PIK3R5: variants seen among roughly 807,000 people sequenced by gnomAD.
PIK3R5 encodes phosphoinositide-3-kinase regulatory subunit 5, also known as phosphoinositide 3-kinase regulatory subunit 5.
Under a neutral mutation model 94.9 loss-of-function variants are expected in PIK3R5, and 32 were observed. The observed-to-expected ratio is 0.34, with a 90% confidence interval of 0.25 to 0.45. The LOEUF (loss-of-function observed/expected upper bound fraction) is 0.45, where lower values mean the gene tolerates loss of function less well. Ranked by LOEUF, PIK3R5 falls within the 20% of genes least tolerant of loss-of-function variation. The pLI is 1.00. For missense variants in PIK3R5, 853 were observed against 1,144.6 expected, an observed-to-expected ratio of 0.75 and a Z score of 3.68; for synonymous variants, 443 against 479.4, an observed-to-expected ratio of 0.92 and a Z score of 0.99.
chr17:8,879,093 C>T lies in PIK3R5; in HGVS notation c.*1546G>A, dbSNP rs548613372. On this transcript the variant is annotated 3_prime_UTR_variant, in exon 19 of 19. Coordinates refer to ENST00000447110, the MANE Select transcript of PIK3R5 (RefSeq NM_001142633.3). This position sits in a 1 kb window ranked among gnomAD's most constrained non-coding sequence, Gnocchi z 4.4. The stretch of plus-strand genomic sequence containing the variant: ...AGCAGACATTAAGACAGGGGAGAGA[C>T]GGCCAGGCAAGGTAGAAGCTGGCTC... 9 of 152,246 alleles carry T rather than the reference C, an allele frequency of 5.9e-5. No individual in the cohort carries two copies. The highest frequency in any genetic ancestry group is 2.6e-4 in the Admixed American group (4 of 15,298). The allele number at this position is 152,246 out of a possible 1,614,324, so 9.4% of individuals were successfully genotyped here. A position where few individuals can be genotyped will look rare whatever the true frequency, so the allele number is the denominator to read the frequency against.
intron 1 of PIK3R5, among the ~76,000 whole-genome samples, chr17:8,921,747 T>C (rs1332146220): frequency 6.6e-6 from 1 of 152,132 alleles, no homozygotes; most frequent in African/African-American, 2.4e-5. Context: ...ATTCTGGTGT[T>C]AGGAAGATTC....
intron 1 of PIK3R5, among the ~76,000 whole-genome samples, chr17:8,936,386 C>A (rs780028061): frequency 6.6e-6 from 1 of 152,144 alleles, no homozygotes; most frequent in African/African-American, 2.4e-5. Context: ...ATTTTCACTG[C>A]CCAGAAAATC....
At chr17:8,938,134 G>A (rs1295594598) in intron 1 of PIK3R5, among the ~76,000 whole-genome samples, 1 of 152,136 alleles carries the variant, frequency 6.6e-6, no homozygotes, top group Non-Finnish European at 1.5e-5. Context: ...ATGTTTGGTA[G>A]AATTCACCAG....
intron 1 of PIK3R5, among the ~76,000 whole-genome samples, chr17:8,917,992 G>C (rs990473531): frequency 6.6e-6 from 1 of 152,188 alleles, no homozygotes. Context: ...AAGGGGGAAG[G>C]CTGGAATGAA....
intron 1 of PIK3R5, among the ~76,000 whole-genome samples, chr17:8,912,819 T>G (rs1006394898): frequency 6.6e-6 from 1 of 152,234 alleles, no homozygotes; most frequent in Non-Finnish European, 1.5e-5. Context: ...CTCCCCAGCC[T>G]GGGAGGCACC....
At chr17:8,887,427 A>C (rs1290211496) in intron 11 of PIK3R5, 94 bp downstream of exon 11, 5 of 1,426,096 alleles carry the variant, frequency 3.5e-6, no homozygotes, top group Admixed American at 4.2e-5. Context: ...TGCCCTGTCA[A>C]CACAGGTGCT....
chr17:8,901,170 C>A (rs61759594), intron 5 of PIK3R5, among the ~76,000 whole-genome samples: 4 of 152,174 alleles, frequency 2.6e-5, no homozygotes, highest in African/African-American at 9.6e-5. Flanking sequence ...CTTAAACTGG[C>A]GTGTTCCTTT....
rs61759645 is a variant in PIK3R5 at position 8,893,693 on chromosome 17, G to A, written c.413-38C>T. 24 of 1,497,020 alleles carry A rather than the reference G, an allele frequency of 1.6e-5. No homozygotes were observed. The highest frequency in any genetic ancestry group is 2.2e-5 in the Non-Finnish European group (24 of 1,073,558). The allele number at this position is 1,497,020 out of a possible 1,614,324, so 92.7% of individuals were successfully genotyped here. On this transcript the variant is annotated intron_variant, in intron 5 of 18. Transcript: ENST00000447110. This position sits in a 1 kb window ranked among gnomAD's most constrained non-coding sequence, Gnocchi z 5.1. The stretch of plus-strand genomic sequence containing the variant: ...AAGAAAAGAGTTCATGGGCTGATCA[G>A]TTCCTTCAGCATCGTCCGTGTGCCT...
chr17:8,951,706 G>A (rs766300054), intron 1 of PIK3R5, among the ~76,000 whole-genome samples: 2 of 152,130 alleles, frequency 1.3e-5, no homozygotes, highest in African/African-American at 2.4e-5. Flanking sequence ...TTTATTAATA[G>A]TTTTCAGCAG....
At position 8,890,852 on chromosome 17, in the gene PIK3R5, C is replaced by T. The variant is rs1597378621; in HGVS notation, c.543G>A (p.Lys181=). 1.9e-6 allele frequency: 3 copies of T among 1,613,722 alleles called. No homozygotes were observed. The highest frequency in any genetic ancestry group is 4.5e-5 in the East Asian group (2 of 44,882). ...VQAEFLAVAN[K]LSTPGHSPHS... Reference sequence around the variant, plus strand: ...GAGGCGAGTGTCCGGGCGTACTCAGCTTATTGGCTACAGCAAGGAACTCGG... The same window carrying T: ...GAGGCGAGTGTCCGGGCGTACTCAGTTTATTGGCTACAGCAAGGAACTCGG... The change falls in exon 7 of 19, where the codon AAG becomes AAA. Residue 181 remains lysine, a synonymous_variant. Coordinates refer to ENST00000447110, the MANE Select transcript of PIK3R5 (RefSeq NM_001142633.3). The surrounding 1 kb of genome is among the most constrained non-coding windows in gnomAD (Gnocchi z 6.1).
chr17:8,898,786 A>G (rs1318011849), intron 5 of PIK3R5, among the ~76,000 whole-genome samples: 1 of 152,206 alleles, frequency 6.6e-6, no homozygotes, highest in Non-Finnish European at 1.5e-5. Flanking sequence ...AAGGTCATTA[A>G]CTAATAAGTG....
chr17:8,909,011 C>A lies in PIK3R5; in HGVS notation c.204+63G>T. ...CACCCAGGAATGATGTTCTCTGGGA[C>A]CTATTTCTCCACTCTACGAGGCCGA... On this transcript the variant is annotated intron_variant, in intron 3 of 18. Coordinates refer to ENST00000447110, the MANE Select transcript of PIK3R5 (RefSeq NM_001142633.3). This position sits in a 1 kb window ranked among gnomAD's most constrained non-coding sequence, Gnocchi z 4.3. 1 of 988,818 alleles carries A rather than the reference C, an allele frequency of 1.0e-6. No homozygotes were observed. Among genetic ancestry groups the A allele is most frequent in the Non-Finnish European group, 1.6e-6 (1 of 635,130 alleles). 61.3% of individuals were successfully genotyped at this position (988,818 alleles called of 1,614,324 possible).
At chr17:8,936,641 C>G (rs1820150750) in intron 1 of PIK3R5, among the ~76,000 whole-genome samples, 1 of 152,110 alleles carries the variant, frequency 6.6e-6, no homozygotes, top group African/African-American at 2.4e-5. Context: ...TATGGATGCA[C>G]CTTTATAGTA....
intron 1 of PIK3R5, among the ~76,000 whole-genome samples, chr17:8,923,600 T>A (rs909510132): frequency 2.6e-5 from 4 of 152,180 alleles, no homozygotes; most frequent in Non-Finnish European, 4.4e-5. Context: ...AGAGGAAGAC[T>A]ATAACAATAA....
chr17:8,911,788 G>GACCTGCCTTGC lies in PIK3R5; in HGVS notation c.-13-282_-13-281insGCAAGGCAGGT. On this transcript the variant is annotated intron_variant, in intron 1 of 18. Coordinates refer to ENST00000447110, the MANE Select transcript of PIK3R5 (RefSeq NM_001142633.3). This position sits in a 1 kb window ranked among gnomAD's most constrained non-coding sequence, Gnocchi z 5.3. The stretch of plus-strand genomic sequence containing the variant: ...GAATGGGAGCAGAGAGGTGGAAAGG[G>GACCTGCCTTGC]CACTGGGCAGTGGGAAGTGTCGCCA... 1.4e-5 allele frequency: 4 copies of GACCTGCCTTGC among 286,304 alleles called. No individual in the cohort carries two copies. Among genetic ancestry groups the GACCTGCCTTGC allele is most frequent in the Admixed American group, 4.8e-5 (1 of 20,844 alleles). The allele number at this position is 286,304 out of a possible 1,614,324, so 17.7% of individuals were successfully genotyped here. A position where few individuals can be genotyped will look rare whatever the true frequency, so the allele number is the denominator to read the frequency against.
intron 1 of PIK3R5, among the ~76,000 whole-genome samples, chr17:8,958,476 TA>T (rs1484811841): frequency 6.6e-6 from 1 of 152,192 alleles, no homozygotes; most frequent in Non-Finnish European, 1.5e-5. Context: ...GCAGATGCTT[TA>T]AAAAAGTATT....
chr17:8,895,918 C>T (rs1431267393), intron 5 of PIK3R5, among the ~76,000 whole-genome samples: 1 of 152,104 alleles, frequency 6.6e-6, no homozygotes, highest in Admixed American at 6.5e-5. Flanking sequence ...GATAAACTCC[C>T]GCCCTCACCC....
chr17:8,938,560 C>A (rs1035375659), intron 1 of PIK3R5, among the ~76,000 whole-genome samples: 1 of 152,204 alleles, frequency 6.6e-6, no homozygotes, highest in African/African-American at 2.4e-5. Context: ...TATCCTCTGG[C>A]AACCAGTCAT....
chr17:8,895,480 C>T (rs1026030095), intron 5 of PIK3R5, among the ~76,000 whole-genome samples: 1 of 152,156 alleles, frequency 6.6e-6, no homozygotes, highest in African/African-American at 2.4e-5. Context: ...CCCCTCTGCC[C>T]TCCTGACCCT....
Sources: allele counts gnomAD v4.1 joint callset (sites outside exome capture counted in the v4.1 genomes callset), GRCh38; gene constraint gnomAD v4.1.1; non-coding constraint Gnocchi (gnomAD v3.1); transcripts MANE v1.5; gene names NCBI Gene and HGNC (gene_info 2026-07-23, HGNC 2026-07-21).